HSD17B12: variants seen among roughly 807,000 people sequenced by gnomAD.
HSD17B12 encodes hydroxysteroid 17-beta dehydrogenase 12, also known as very-long-chain 3-oxoacyl-CoA reductase.
In HSD17B12, 32 loss-of-function variants were observed where a neutral mutation model predicts 39.3. The ratio of observed to expected loss-of-function variants is 0.81; its 90% CI spans 0.61 to 1.09. The LOEUF is 1.09. HSD17B12 is among the 50% of genes least tolerant of loss of function. HSD17B12 has a pLI of 0.00. For synonymous variants in HSD17B12, 150 were observed against 146.7 expected (o/e 1.02, Z -0.16); for missense variants, 342 against 382.9 (o/e 0.89, Z 0.89).
At chr11:43,663,021 G>A in the HSD17B12 span, among the ~76,000 whole-genome samples, 5 of 152,142 alleles carry the variant, frequency 3.3e-5, no homozygotes, top group African/African-American at 1.2e-4. Flanking sequence ...CAGGACAAAG[G>A]ACTATTAAAG....
At chr11:43,629,128 CAG>C in the HSD17B12 span, among the ~76,000 whole-genome samples, 3 of 152,086 alleles carry the variant, frequency 2.0e-5, no homozygotes, top group Non-Finnish European at 4.4e-5. Context: ...TTCTAGGAAA[CAG>C]GGTGATTATA....
At chr11:43,643,051 T>A in the HSD17B12 span, among the ~76,000 whole-genome samples, 2 of 152,118 alleles carry the variant, frequency 1.3e-5, no homozygotes, top group African/African-American at 4.8e-5. Context: ...ACATTTTGAG[T>A]GCCCTTTCAA....
intron 1 of HSD17B12, among the ~76,000 whole-genome samples, chr11:43,705,204 T>A (rs916958074): frequency 6.6e-6 from 1 of 152,260 alleles, no homozygotes; most frequent in African/African-American, 2.4e-5. Context: ...TAAAGTCTCA[T>A]TCCTGATTAT....
At chr11:43,754,928 A>T (rs371275938) in intron 3 of HSD17B12, 1 of 758,224 alleles carries the variant, frequency 1.3e-6, no homozygotes, top group Non-Finnish European at 2.4e-6. Context: ...ACTAACTTCT[A>T]CTCAATCAAC....
At chr11:43,588,235 C>A in the HSD17B12 span, among the ~76,000 whole-genome samples, 1 of 152,166 alleles carries the variant, frequency 6.6e-6, no homozygotes, top group Non-Finnish European at 1.5e-5. Flanking sequence ...GTTAGATGCT[C>A]TTATTTAGCA....
intron 2 of HSD17B12, among the ~76,000 whole-genome samples, chr11:43,752,551 T>C (rs879650637): frequency 1.3e-5 from 2 of 151,970 alleles, no homozygotes; most frequent in African/African-American, 2.4e-5. Context: ...CTATCTCTAC[T>C]AAAAATACAA....
upstream of HSD17B12, among the ~76,000 whole-genome samples, chr11:43,676,315 G>A (rs779678275): frequency 3.3e-5 from 5 of 152,018 alleles, no homozygotes; most frequent in Non-Finnish European, 7.3e-5. Flanking sequence ...GATGCGAATA[G>A]GCAGGTGGAT....
chr11:43,828,335 G>A (rs1267547676), intron 6 of HSD17B12, among the ~76,000 whole-genome samples: 1 of 115,918 alleles, frequency 8.6e-6, no homozygotes, highest in African/African-American at 3.2e-5. Context: ...GTAGAGACGA[G>A]GTTTCACCGT....
the HSD17B12 span, among the ~76,000 whole-genome samples, chr11:43,611,802 G>T: frequency 6.6e-6 from 1 of 152,148 alleles, no homozygotes; most frequent in South Asian, 2.1e-4. Flanking sequence ...CATTATCTCA[G>T]ATTCTGACAA....
At chr11:43,659,596 A>G in the HSD17B12 span, among the ~76,000 whole-genome samples, 2 of 152,214 alleles carry the variant, frequency 1.3e-5, no homozygotes, top group African/African-American at 4.8e-5. Context: ...GCATAAAAGA[A>G]AAAAATTGAT....
intron 1 of HSD17B12, among the ~76,000 whole-genome samples, chr11:43,729,530 A>G (rs1950250001): frequency 2.0e-5 from 3 of 152,204 alleles, no homozygotes; most frequent in African/African-American, 7.2e-5. Flanking sequence ...GGAAATTTCT[A>G]TGGTATGTTT....
intron 3 of HSD17B12, among the ~76,000 whole-genome samples, chr11:43,768,894 C>A (rs1033173189): frequency 6.6e-6 from 1 of 152,154 alleles, no homozygotes; most frequent in Admixed American, 6.5e-5. Context: ...TCCATTTTTA[C>A]AGAATGCTGA....
At chr11:43,645,994 A>C in the HSD17B12 span, 2 of 153,106 alleles carry the variant, frequency 1.3e-5, no homozygotes, top group Admixed American at 1.3e-4. Context: ...AAAAAAAAAA[A>C]AATTAGCTGG....
rs200842414 is a variant in HSD17B12, at chr11:43,812,902, C to T, written c.392-2535C>T. Among the ~76,000 whole-genome samples the T allele has an allele frequency of 9.5e-4, 145 of 152,176 alleles. 2 individuals are homozygous for T. In the East Asian group the frequency reaches 0.027, roughly 28 times the overall value. ...TGTCACCCATGCTGGAGTGCAGTGG[C>T]GTGATCTCGGCTCACTGCAACCTTC... is the stretch of plus-strand genomic sequence containing the variant. On this transcript the variant is annotated intron_variant, in intron 4 of 10. Transcript: ENST00000278353.
the HSD17B12 span, among the ~76,000 whole-genome samples, chr11:43,648,175 T>C: frequency 6.6e-6 from 1 of 152,212 alleles, no homozygotes; most frequent in African/African-American, 2.4e-5. Context: ...CAGTTTTCTC[T>C]CTCAGTGTGC....
intron 9 of HSD17B12, chr11:43,853,349 A>C (rs1363896567): frequency 1.5e-5 from 2 of 133,230 alleles, no homozygotes; most frequent in African/African-American, 5.7e-5. Context: ...AAAAAAAAAA[A>C]AAAAAAAAAA....
chr11:43,778,293 T>C (rs1204282246), intron 3 of HSD17B12, among the ~76,000 whole-genome samples: 1 of 152,194 alleles, frequency 6.6e-6, no homozygotes, highest in Non-Finnish European at 1.5e-5. Context: ...AGGAAGAAGT[T>C]GAATCTCTGA....
intron 1 of HSD17B12, among the ~76,000 whole-genome samples, chr11:43,690,098 A>C (rs1044241464): frequency 2.0e-5 from 3 of 150,788 alleles, no homozygotes; most frequent in Admixed American, 6.6e-5. Flanking sequence ...CGCCCCTCCT[A>C]CCTATAAACT....
intron 1 of HSD17B12, chr11:43,719,265 G>A: frequency 2.0e-6 from 1 of 504,862 alleles, no homozygotes; most frequent in South Asian, 2.0e-5. Context: ...AACAGGGCTT[G>A]GTCAAGACTC....
Sources: allele counts gnomAD v4.1 joint callset (sites outside exome capture counted in the v4.1 genomes callset), GRCh38; gene constraint gnomAD v4.1.1; transcripts MANE v1.5; gene names NCBI Gene and HGNC (gene_info 2026-07-23, HGNC 2026-07-21).